Variants in ALMS1 observed in about 807,000 individuals in gnomAD.
ALMS1 encodes the protein centrosome-associated protein ALMS1.
In ALMS1, 271 loss-of-function variants were observed where a neutral mutation model predicts 352.2. The observed-to-expected ratio is 0.77, with a 90% confidence interval of 0.70 to 0.85. ALMS1 has a LOEUF of 0.85. ALMS1 is among the 40% of genes least tolerant of loss of function. The pLI is 0.00. For synonymous variants in ALMS1, 1,865 were observed against 1,761.2 expected (o/e 1.06, Z -1.48); for missense variants, 5,445 against 4,870.7 (o/e 1.12, Z -3.51).
intron 10 of ALMS1, among the ~76,000 whole-genome samples, chr2:73,492,316 GGTA>G (rs1673007440): frequency 6.6e-6 from 1 of 152,166 alleles, no homozygotes; most frequent in Non-Finnish European, 1.5e-5. Context: ...ATCTACATGT[GGTA>G]GTAGTCATGG....
intron 9 of ALMS1, among the ~76,000 whole-genome samples, chr2:73,487,870 A>G (rs1052313887): frequency 2.0e-5 from 3 of 152,100 alleles, no homozygotes; most frequent in Admixed American, 6.5e-5. Flanking sequence ...CATGCAGGTC[A>G]TCCCATAATC....
At chr2:73,527,647 C>G (rs1673819607) in intron 11 of ALMS1, among the ~76,000 whole-genome samples, 1 of 151,774 alleles carries the variant, frequency 6.6e-6, no homozygotes, top group African/African-American at 2.4e-5. Context: ...TTACATGAGT[C>G]TTCTATTTTT....
rs765553310 is a variant in ALMS1, at chr2:73,419,243, G to T, written c.571G>T (p.Glu191Ter). The change falls in exon 3 of 23, where the codon GAG becomes TAG. Residue 191 changes from glutamate (E) to a stop codon, truncating the protein, a stop_gained. Coordinates refer to ENST00000613296, the MANE Select transcript of ALMS1 (RefSeq NM_001378454.1). LOFTEE classifies it high-confidence loss of function. Reference sequence around the variant, plus strand: ...TGAAGTGACAGACTTCCCCTCTCTGGAGGAGGGCATATTGACGCAATCAGA... The same window carrying T: ...TGAAGTGACAGACTTCCCCTCTCTGTAGGAGGGCATATTGACGCAATCAGA... ...DTEVTDFPSLEEGILTQSENQ... is the reference protein window; with the variant it reads ...DTEVTDFPSL The T allele has an allele frequency of 1.2e-6, 2 of 1,613,922 alleles. No individual in the cohort carries two copies. Among genetic ancestry groups the T allele is most frequent in the African/African-American group, 2.7e-5 (2 of 74,944 alleles).
At chr2:73,402,739 T>C (rs1466740630) in intron 1 of ALMS1, among the ~76,000 whole-genome samples, 1 of 152,224 alleles carries the variant, frequency 6.6e-6, no homozygotes, top group Non-Finnish European at 1.5e-5. Flanking sequence ...TGAGATGATA[T>C]TTCATTTTGG....
At chr2:73,527,520 A>T (rs958359651) in intron 11 of ALMS1, among the ~76,000 whole-genome samples, 1 of 151,592 alleles carries the variant, frequency 6.6e-6, no homozygotes, top group African/African-American at 2.4e-5. Flanking sequence ...GAATTTGTCC[A>T]TTTTTTTCTA....
rs28730852 is a variant in ALMS1 at position 73,449,720 on chromosome 2, T to G, written c.3193T>G (p.Ser1065Ala). 6.2e-7 allele frequency: 1 copy of G among 1,614,016 alleles called. No homozygotes were observed. The highest frequency in any genetic ancestry group is 1.1e-5 in the South Asian group (1 of 91,068). ...TAGTGTTTTGTACCCACAGGTGTTA[T>G]CAGACAGTCATCTACCTGAAGAGAG... ...KPSVLYPQVL[S>A]DSHLPEESLK... Residue 1065 changes from serine (S) to alanine (A), a missense_variant, in exon 8 of 23, where the codon TCA becomes GCA. Ser to Ala is a moderately conservative substitution (Grantham distance 99, BLOSUM62 1). Transcript: ENST00000613296.
At chr2:73,522,310 C>T (rs893373998) in intron 11 of ALMS1, among the ~76,000 whole-genome samples, 6 of 152,104 alleles carry the variant, frequency 3.9e-5, no homozygotes, top group African/African-American at 7.2e-5. Flanking sequence ...TAATATATAC[C>T]GATGGAGAAA....
intron 1 of ALMS1, among the ~76,000 whole-genome samples, chr2:73,391,081 GT>G (rs1670635896): frequency 6.6e-6 from 1 of 151,188 alleles, no homozygotes; most frequent in Non-Finnish European, 1.5e-5. Context: ...GCCCAACAGT[GT>G]TTGGAAATCT....
chr2:73,605,312 G>A (rs900832605), intron 21 of ALMS1, among the ~76,000 whole-genome samples: 2 of 152,140 alleles, frequency 1.3e-5, no homozygotes, highest in Non-Finnish European at 2.9e-5. Flanking sequence ...CGAGATAAGC[G>A]GTGGCATTAA....
Position 73,490,764 on chromosome 2 carries a change from C to A in ALMS1, c.8805C>A (p.Ala2935=), listed in dbSNP as rs781220396. 6.2e-7 allele frequency: 1 copy of A among 1,614,078 alleles called. No individual in the cohort carries two copies. Among genetic ancestry groups the A allele is most frequent in the East Asian group, 2.2e-5 (1 of 44,874 alleles). ...EQRELFEQCK[A]PYVDHQMREN... ...GAGAACTCTTTGAACAGTGCAAAGCCCCATATGTAGATCATCAAATGAGAG... is the reference window on the plus strand; with the variant it reads ...GAGAACTCTTTGAACAGTGCAAAGCACCATATGTAGATCATCAAATGAGAG... Residue 2935 remains alanine, a synonymous_variant, in exon 10 of 23, where the codon GCC becomes GCA. Coordinates refer to ENST00000613296, the MANE Select transcript of ALMS1 (RefSeq NM_001378454.1).
At chr2:73,507,780 G>A (rs1028425070) in intron 10 of ALMS1, among the ~76,000 whole-genome samples, 1 of 152,038 alleles carries the variant, frequency 6.6e-6, no homozygotes, top group African/African-American at 2.4e-5. Flanking sequence ...ATTTCCTTCA[G>A]TTCTGCTCTG....
At chr2:73,471,242 G>A (rs1311426722) in intron 9 of ALMS1, among the ~76,000 whole-genome samples, 7 of 133,490 alleles carry the variant, frequency 5.2e-5, no homozygotes, top group Admixed American at 3.9e-4. Flanking sequence ...TTTTTCTTTC[G>A]TGTATCTTCT....
chr2:73,386,277 A>T, intron 1 of ALMS1, 85 bp downstream of exon 1: 1 of 1,411,598 alleles, frequency 7.1e-7, no homozygotes, highest in Non-Finnish European at 9.2e-7. Context: ...CCCGCAGGTC[A>T]CGCCGCCTGA....
chr2:73,538,496 G>A (rs1674082145), intron 12 of ALMS1, among the ~76,000 whole-genome samples: 1 of 152,280 alleles, frequency 6.6e-6, no homozygotes, highest in Middle Eastern at 3.4e-3. Flanking sequence ...TTCCAACTGA[G>A]GTACTGGGTT....
At chr2:73,579,829 T>A (rs1675135505) in intron 16 of ALMS1, among the ~76,000 whole-genome samples, 1 of 152,224 alleles carries the variant, frequency 6.6e-6, no homozygotes, top group Non-Finnish European at 1.5e-5. Context: ...TTTGACATTT[T>A]CATTATAACA....
chr2:73,584,643 A>T (rs947215986), intron 16 of ALMS1, among the ~76,000 whole-genome samples: 1 of 151,968 alleles, frequency 6.6e-6, no homozygotes, highest in African/African-American at 2.4e-5. Context: ...TTTCTTTATT[A>T]TTTCCATAGT....
Position 73,451,391 on chromosome 2 carries a change from G to C in ALMS1, c.4864G>C (p.Glu1622Gln), listed in dbSNP as rs777590135. ...ACCTTTAGGTTCCAGTGCACTTGGA[G>C]AGAAGCCCATTACTTTCTACCGGCA... Reference protein sequence around the residue: ...AGPLGSSALGEKPITFYRQAL... With the variant: ...AGPLGSSALGQKPITFYRQAL... Residue 1622 changes from glutamate to glutamine, a missense_variant, in exon 8 of 23, where the codon GAG (glutamate) becomes CAG (glutamine). Transcript: ENST00000613296. 4 of 1,613,828 alleles carry C rather than the reference G, an allele frequency of 2.5e-6. No individual in the cohort carries two copies. Among genetic ancestry groups the C allele is most frequent in the African/African-American group, 2.7e-5 (2 of 74,866 alleles).
chr2:73,553,641 ATAAT>A (rs1202738954), intron 13 of ALMS1, among the ~76,000 whole-genome samples: 5 of 152,242 alleles, frequency 3.3e-5, no homozygotes, highest in African/African-American at 1.2e-4. Flanking sequence ...GCTGTGAATA[ATAAT>A]TATATAAACA....
At chr2:73,466,286 A>G (rs1215741946) in intron 9 of ALMS1, among the ~76,000 whole-genome samples, 1 of 152,208 alleles carries the variant, frequency 6.6e-6, no homozygotes, top group East Asian at 1.9e-4. Context: ...CATATACACC[A>G]TGGAATACTA....
Sources: gnomAD v4.1 joint callset for allele counts (sites outside exome capture counted in the v4.1 genomes callset) on GRCh38, gnomAD v4.1.1 for gene constraint, MANE v1.5 for transcripts, NCBI Gene and HGNC (gene_info 2026-07-23, HGNC 2026-07-21) for gene names.